Variants in MYO16 observed in about 807,000 individuals in gnomAD.
The protein encoded by MYO16 is unconventional myosin-XVI.
MYO16 carries 94 observed loss-of-function variants against 205.3 expected under a neutral mutation model. The ratio of observed to expected loss-of-function variants is 0.46; its 90% CI spans 0.39 to 0.54. The LOEUF (loss-of-function observed/expected upper bound fraction) is 0.54. Ranked by LOEUF, MYO16 falls within the 20% of genes least tolerant of loss-of-function variation. MYO16 has a pLI of 0.00. For synonymous variants in MYO16, 988 were observed against 954.0 expected (o/e 1.04, Z -0.66); for missense variants, 2,315 against 2,387.5 (o/e 0.97, Z 0.63).
At chr13:109,110,753 C>A (rs1275974189) in intron 28 of MYO16, among the ~76,000 whole-genome samples, 1 of 152,044 alleles carries the variant, frequency 6.6e-6, no homozygotes, top group Non-Finnish European at 1.5e-5. Flanking sequence ...TATTCACACA[C>A]AAAAAAGTAA....
At chr13:108,823,605 G>C (rs1203672756) in intron 9 of MYO16, among the ~76,000 whole-genome samples, 4 of 152,054 alleles carry the variant, frequency 2.6e-5, no homozygotes, top group Non-Finnish European at 4.4e-5. Context: ...TGACTTTCCT[G>C]AAATAGAAAA....
chr13:108,681,651 T>G (rs1882467733), intron 2 of MYO16, among the ~76,000 whole-genome samples: 1 of 152,020 alleles, frequency 6.6e-6, no homozygotes, highest in Non-Finnish European at 1.5e-5. Context: ...GTTATTACTC[T>G]GCTAGTAGTG....
intron 27 of MYO16, among the ~76,000 whole-genome samples, chr13:109,075,505 T>G (rs1407353993): frequency 6.6e-6 from 1 of 152,048 alleles, no homozygotes; most frequent in Non-Finnish European, 1.5e-5. Context: ...TTCTCCCGCC[T>G]CAGCCTCCCA....
At chr13:108,855,323 C>T (rs987703437) in intron 10 of MYO16, 120 bp from the exon 11 acceptor site, 6 of 341,612 alleles carry the variant, frequency 1.8e-5, no homozygotes, top group Admixed American at 4.1e-5. Flanking sequence ...CTCTTAATAA[C>T]AGTTCCTAAC....
intron 7 of MYO16, among the ~76,000 whole-genome samples, chr13:108,820,118 A>T (rs1016006842): frequency 2.6e-5 from 4 of 152,190 alleles, no homozygotes; most frequent in Admixed American, 2.6e-4. Context: ...TCCTTATTGG[A>T]TAAATAATTT....
intron 27 of MYO16, among the ~76,000 whole-genome samples, chr13:109,088,704 C>T (rs1380171682): frequency 6.6e-6 from 1 of 152,224 alleles, no homozygotes; most frequent in East Asian, 1.9e-4. Flanking sequence ...CTCAGCGGGC[C>T]GCAGTCCTTC....
intron 28 of MYO16, among the ~76,000 whole-genome samples, chr13:109,103,231 G>A (rs1211904183): frequency 1.3e-5 from 2 of 152,164 alleles, no homozygotes; most frequent in African/African-American, 4.8e-5. Context: ...GCATTTTTTA[G>A]ATATGTGTTG....
chr13:108,781,548 C>T (rs1886304721), intron 4 of MYO16, among the ~76,000 whole-genome samples: 1 of 152,212 alleles, frequency 6.6e-6, no homozygotes, highest in Non-Finnish European at 1.5e-5. Context: ...TAGCTTAACT[C>T]TTTCTCTCTC....
intron 4 of MYO16, among the ~76,000 whole-genome samples, chr13:108,744,810 C>A (rs1391349907): frequency 6.6e-6 from 1 of 152,194 alleles, no homozygotes; most frequent in Non-Finnish European, 1.5e-5. Context: ...GGCTATTCAG[C>A]CTCCTATGCT....
intron 7 of MYO16, 88 bp from the exon 8 acceptor site, chr13:108,820,249 G>C: frequency 1.1e-6 from 1 of 932,166 alleles, no homozygotes; most frequent in Non-Finnish European, 1.7e-6. Flanking sequence ...CATGCCGGCT[G>C]TTAGTTGGAC....
At chr13:108,768,528 A>G (rs141341670) in intron 4 of MYO16, among the ~76,000 whole-genome samples, 1 of 152,324 alleles carries the variant, frequency 6.6e-6, no homozygotes, top group Non-Finnish European at 1.5e-5. Flanking sequence ...GGTCAAATTA[A>G]TTTGAAAATA....
At chr13:108,571,271 TG>T in the MYO16 span, among the ~76,000 whole-genome samples, 1 of 148,954 alleles carries the variant, frequency 6.7e-6, no homozygotes, top group Admixed American at 6.7e-5. Flanking sequence ...GATCAGAGGA[TG>T]GCTCAGGACT....
chr13:108,825,458 C>T (rs974522670), intron 9 of MYO16, among the ~76,000 whole-genome samples: 9 of 151,906 alleles, frequency 5.9e-5, no homozygotes, highest in East Asian at 1.9e-4. Context: ...ACAGGGCTAA[C>T]GTCATACTCA....
At chr13:109,137,846 T>G (rs879875483) in intron 31 of MYO16, among the ~76,000 whole-genome samples, 1 of 152,152 alleles carries the variant, frequency 6.6e-6, no homozygotes, top group Non-Finnish European at 1.5e-5. Context: ...CTTCTCAAAT[T>G]ACAACCCTGC....
At chr13:108,559,681 C>G in the MYO16 span, among the ~76,000 whole-genome samples, 10 of 151,308 alleles carry the variant, frequency 6.6e-5, no homozygotes, top group Non-Finnish European at 1.0e-4. Context: ...CACGTCAGCC[C>G]GGATGGTCTC....
At position 109,140,974 on chromosome 13, in the gene MYO16, C is replaced by G. The variant is rs779248735; in HGVS notation, c.4762C>G (p.Arg1588Gly). The change falls in exon 32 of 35, where the codon CGA (arginine) becomes GGA (glycine). Residue 1588 changes from arginine to glycine, a missense_variant. Arg to Gly is a moderately radical substitution (Grantham distance 125). This residue lies in a region of MYO16 where 1,097 missense variants were observed against 1,092.0 expected (regional missense o/e 1.00). Coordinates refer to ENST00000457511, the MANE Select transcript of MYO16 (RefSeq NM_001198950.3). This position sits in a 1 kb window ranked among gnomAD's most constrained non-coding sequence, Gnocchi z 8.0. Reference protein sequence around the residue: ...PGLALFNGSGRASPPSTPPPP... With the variant: ...PGLALFNGSGGASPPSTPPPP... ...CCTGGCGCTGTTCAACGGGTCCGGC[C>G]GAGCCTCCCCGCCGTCCACGCCGCC... The G allele has an allele frequency of 2.8e-6, 4 of 1,430,824 alleles. No individual in the cohort carries two copies. Among genetic ancestry groups the G allele is most frequent in the Admixed American group, 2.6e-5 (1 of 38,264 alleles). 88.6% of individuals were successfully genotyped at this position (1,430,824 alleles called of 1,614,324 possible).
At chr13:108,533,192 A>G in the MYO16 span, among the ~76,000 whole-genome samples, 2 of 152,196 alleles carry the variant, frequency 1.3e-5, no homozygotes, top group Non-Finnish European at 2.9e-5. Context: ...AGCTAGTAGC[A>G]ACCTGTGTAG....
intron 4 of MYO16, among the ~76,000 whole-genome samples, chr13:108,738,063 G>C (rs1884768493): frequency 6.6e-6 from 1 of 151,954 alleles, no homozygotes; most frequent in Non-Finnish European, 1.5e-5. Context: ...TATCAATTTT[G>C]TTGATCTTTT....
At chr13:109,031,876 A>G (rs1886556598) in intron 23 of MYO16, among the ~76,000 whole-genome samples, 1 of 152,158 alleles carries the variant, frequency 6.6e-6, no homozygotes, top group South Asian at 2.1e-4. Context: ...TAAGAACTGT[A>G]ATCGTCAAAA....
Sources: gnomAD v4.1 joint callset for allele counts (sites outside exome capture counted in the v4.1 genomes callset) on GRCh38, gnomAD v4.1.1 for gene constraint, gnomAD v4.1.1 regional missense constraint, Gnocchi (gnomAD v3.1) non-coding constraint, MANE v1.5 for transcripts, NCBI Gene and HGNC (gene_info 2026-07-23, HGNC 2026-07-21) for gene names.